The following KCNQ3 variants were observed in gnomAD, a reference collection of about 807,000 sequenced individuals.
KCNQ3 encodes the protein potassium voltage-gated channel subfamily KQT member 3.
A neutral mutation model predicts 92.5 loss-of-function variants in KCNQ3; 30 were observed. That is an observed-to-expected ratio of 0.32 (90% CI 0.24 to 0.44). The LOEUF is 0.44. Ranked by LOEUF, KCNQ3 falls within the 20% of genes least tolerant of loss-of-function variation. The pLI is 1.00. For synonymous variants in KCNQ3, 450 were observed against 468.8 expected, an observed-to-expected ratio of 0.96 and a Z score of 0.52; for missense variants, 913 against 1,140.3, an observed-to-expected ratio of 0.80 and a Z score of 2.87.
At chr8:132,248,318 C>G (rs1012411158) in intron 1 of KCNQ3, among the ~76,000 whole-genome samples, 1 of 126,644 alleles carries the variant, frequency 7.9e-6, no homozygotes, top group South Asian at 3.1e-4. Context: ...ATCCATGGAC[C>G]TTTTTTAGTC....
chr8:132,291,297 A>C (rs1445644839), intron 1 of KCNQ3, among the ~76,000 whole-genome samples: 1 of 152,200 alleles, frequency 6.6e-6, no homozygotes, highest in Non-Finnish European at 1.5e-5. Context: ...GGATACTGAC[A>C]GAGATGAATG....
chr8:132,480,235 T>C lies in KCNQ3; in HGVS notation c.298A>G (p.Asn100Asp). 1 of 1,613,336 alleles carries C rather than the reference T, an allele frequency of 6.2e-7. No homozygotes were observed. Among genetic ancestry groups the C allele is most frequent in the Non-Finnish European group, 8.5e-7 (1 of 1,179,542 alleles). The change falls in exon 1 of 15, where the codon AAC becomes GAC. Residue 100 changes from asparagine to aspartate, a missense_variant. Around this residue, in one of 6 missense-constraint regions of KCNQ3, gnomAD observed 183 missense variants for 167.7 expected, o/e 1.09. Coordinates refer to ENST00000388996, the MANE Select transcript of KCNQ3 (RefSeq NM_004519.4). ...TGGATGCGCCGGTACTTGGCGTTGTTTCTCTTGACTGGGCGGCTCAGCGGG... is the reference window on the plus strand; with the variant it reads ...TGGATGCGCCGGTACTTGGCGTTGTCTCTCTTGACTGGGCGGCTCAGCGGG... The part of the protein sequence containing the change: ...KTPLSRPVKR[N>D]NAKYRRIQTL...
intron 1 of KCNQ3, 75 bp from the exon 2 acceptor site, chr8:132,186,256 G>A (rs1253348517): frequency 2.8e-6 from 3 of 1,055,118 alleles, no homozygotes; most frequent in South Asian, 2.6e-5. Flanking sequence ...GGGGAAAGGT[G>A]TCTTCCAGGA....
chr8:132,337,081 G>A (rs968833336), intron 1 of KCNQ3, among the ~76,000 whole-genome samples: 2 of 152,176 alleles, frequency 1.3e-5, no homozygotes, highest in Admixed American at 1.3e-4. Flanking sequence ...TTTGTATAAA[G>A]GTCCCTTATT....
intron 1 of KCNQ3, among the ~76,000 whole-genome samples, chr8:132,314,969 C>A (rs1817698394): frequency 6.6e-6 from 1 of 152,172 alleles, no homozygotes; most frequent in Admixed American, 6.5e-5. Flanking sequence ...GATGGTGTGA[C>A]AGGGAATGTC....
intron 1 of KCNQ3, among the ~76,000 whole-genome samples, chr8:132,421,222 T>A (rs1820956914): frequency 6.6e-6 from 1 of 152,240 alleles, no homozygotes; most frequent in Admixed American, 6.5e-5. Context: ...TTTAAGATAT[T>A]TGATGACTAA....
chr8:132,284,111 T>A (rs1339228392), intron 1 of KCNQ3, among the ~76,000 whole-genome samples: 2 of 152,076 alleles, frequency 1.3e-5, no homozygotes, highest in East Asian at 3.9e-4. Flanking sequence ...GGAGATCCAC[T>A]CTGCTGTTAA....
intron 1 of KCNQ3, among the ~76,000 whole-genome samples, chr8:132,259,187 TA>T (rs150324554): frequency 0.087 from 13,271 of 151,928 alleles, 661 homozygotes; most frequent in South Asian, 0.14. Flanking sequence ...CAAAATCAGA[TA>T]AAAATATCAG....
In KCNQ3 at chr8:132,386,665, T is replaced by TA. The variant is rs1444954811; in HGVS notation, c.386+93481dup. Among the ~76,000 whole-genome samples, 4 of 152,152 alleles carry TA rather than the reference T, an allele frequency of 2.6e-5. No individual in the cohort carries two copies. In the East Asian group the frequency reaches 7.7e-4, roughly 29 times the overall value. ...GAGGTTTATTTCTATGCTATTGATATAAAAAATTGGAAACAGATATCAAAC... is the reference window on the plus strand; with the variant it reads ...GAGGTTTATTTCTATGCTATTGATATAAAAAAATTGGAAACAGATATCAAAC... On this transcript the variant is annotated intron_variant, in intron 1 of 14. Transcript: ENST00000388996.
intron 1 of KCNQ3, among the ~76,000 whole-genome samples, chr8:132,305,860 GT>G (rs869029204): frequency 6.7e-6 from 1 of 149,678 alleles, no homozygotes; most frequent in Non-Finnish European, 1.5e-5. Context: ...TCATTAAAGA[GT>G]TTTTTGGGGG....
chr8:132,186,298 G>C, intron 1 of KCNQ3, 117 bp from the exon 2 acceptor site: 1 of 732,988 alleles, frequency 1.4e-6, no homozygotes, highest in South Asian at 1.5e-5. Context: ...ACATTGACAT[G>C]TGCTTTATAT....
chr8:132,377,810 G>A (rs1819650441), intron 1 of KCNQ3, among the ~76,000 whole-genome samples: 1 of 152,120 alleles, frequency 6.6e-6, no homozygotes, highest in South Asian at 2.1e-4. Context: ...CCATAAAATA[G>A]GTATAACAAG....
chr8:132,341,685 A>G (rs1180075324), intron 1 of KCNQ3, among the ~76,000 whole-genome samples: 4 of 152,240 alleles, frequency 2.6e-5, no homozygotes, highest in Non-Finnish European at 5.9e-5. Context: ...TCATAAACCT[A>G]TCCAATCACT....
At chr8:132,404,057 G>A (rs981273481) in intron 1 of KCNQ3, among the ~76,000 whole-genome samples, 1 of 152,188 alleles carries the variant, frequency 6.6e-6, no homozygotes, top group Non-Finnish European at 1.5e-5. Flanking sequence ...CCCTTGCCTG[G>A]AATAACATGT....
chr8:132,151,835 T>G (rs767474642), intron 9 of KCNQ3, among the ~76,000 whole-genome samples: 22 of 152,234 alleles, frequency 1.4e-4, no homozygotes, highest in Admixed American at 2.6e-4. Context: ...TAAATAGGAT[T>G]ATTTGACATG....
At chr8:132,380,950 AAC>A (rs1254251409) in intron 1 of KCNQ3, among the ~76,000 whole-genome samples, 28 of 145,586 alleles carry the variant, frequency 1.9e-4, no homozygotes, top group Non-Finnish European at 3.3e-4. Flanking sequence ...AAAAAAAAAA[AAC>A]AACCTTGGAA....
chr8:132,322,861 C>T (rs1817931259), intron 1 of KCNQ3, among the ~76,000 whole-genome samples: 1 of 152,174 alleles, frequency 6.6e-6, no homozygotes, highest in Non-Finnish European at 1.5e-5. Flanking sequence ...GGTGATGACC[C>T]ATCTGAGAAT....
chr8:132,437,886 A>G (rs1821436977), intron 1 of KCNQ3, among the ~76,000 whole-genome samples: 1 of 152,212 alleles, frequency 6.6e-6, no homozygotes, highest in African/African-American at 2.4e-5. Context: ...TTTAACTTGC[A>G]TTTGTAAGAA....
At chr8:132,337,742 CA>C (rs1411572268) in intron 1 of KCNQ3, among the ~76,000 whole-genome samples, 1 of 152,090 alleles carries the variant, frequency 6.6e-6, no homozygotes, top group Non-Finnish European at 1.5e-5. Flanking sequence ...CATTTGCCCT[CA>C]ATGTGAGGAT....
Sources: allele counts gnomAD v4.1 joint callset (sites outside exome capture counted in the v4.1 genomes callset), GRCh38; gene constraint gnomAD v4.1.1; regional missense constraint gnomAD v4.1.1; transcripts MANE v1.5; gene names NCBI Gene and HGNC (gene_info 2026-07-23, HGNC 2026-07-21).